Variants in MTOR observed in about 807,000 individuals in gnomAD.
The protein encoded by MTOR is serine/threonine-protein kinase mTOR.
Under a neutral mutation model 319.8 loss-of-function variants are expected in MTOR, and 70 were observed. The ratio of observed to expected loss-of-function variants is 0.22; its 90% CI spans 0.18 to 0.27. The LOEUF is 0.27. MTOR is among the 10% of genes least tolerant of loss of function. MTOR has a pLI of 1.00. For synonymous variants in MTOR, 1,183 were observed against 1,211.4 expected (o/e 0.98, Z 0.49); for missense variants, 1,890 against 3,274.4 (o/e 0.58, Z 10.32).
chr1:11,249,161 T>C (rs755494115), intron 6 of MTOR, among the ~76,000 whole-genome samples: 1 of 151,208 alleles, frequency 6.6e-6, no homozygotes, highest in Non-Finnish European at 1.5e-5. Context: ...GAGGCGGAGG[T>C]TGCAGTGAGC....
At position 11,173,314 on chromosome 1, in the gene MTOR, A is replaced by C. The variant is rs1185939213; in HGVS notation, c.4254-5797T>G. On this transcript the variant is annotated intron_variant, in intron 28 of 57. Transcript: ENST00000361445. ...TAGCCCACTCTCTTTTTTTCACAAC[A>C]AGGTCTGGTTCTGTTATCCAAGGTG... Among the ~76,000 whole-genome samples, 5 of 151,462 alleles carry C rather than the reference A, an allele frequency of 3.3e-5. No individual in the cohort carries two copies. The South Asian group carries it at 6.3e-4, about 19-fold the overall frequency.
intron 19 of MTOR, 138 bp downstream of exon 19, chr1:11,228,530 T>G: frequency 8.6e-7 from 1 of 1,162,496 alleles, no homozygotes; most frequent in Non-Finnish European, 1.2e-6. Context: ...GTACACTTTA[T>G]ATGTTGGGAG....
intron 36 of MTOR, among the ~76,000 whole-genome samples, chr1:11,138,633 G>T (rs1384558022): frequency 1.3e-5 from 2 of 152,176 alleles, no homozygotes; most frequent in Non-Finnish European, 2.9e-5. Context: ...AATGGGGAGA[G>T]AAGGCTAGTG....
intron 36 of MTOR, among the ~76,000 whole-genome samples, chr1:11,137,394 G>A (rs931685139): frequency 4.9e-4 from 74 of 152,052 alleles, no homozygotes; most frequent in African/African-American, 1.7e-3. Context: ...GCCAAAGCTG[G>A]GGAGGCTGGG....
At chr1:11,126,577 T>C (rs760088903) in intron 46 of MTOR, 45 bp downstream of exon 46, 16 of 1,595,140 alleles carry the variant, frequency 1.0e-5, no homozygotes, top group East Asian at 6.7e-5. Flanking sequence ...TCTCAGCCAG[T>C]GTAGGAGGGA....
intron 28 of MTOR, among the ~76,000 whole-genome samples, chr1:11,182,529 A>G (rs1234330116): frequency 6.6e-6 from 1 of 152,202 alleles, no homozygotes; most frequent in African/African-American, 2.4e-5. Context: ...GGAGAATATA[A>G]CACCTAAGTG....
intron 1 of MTOR, among the ~76,000 whole-genome samples, chr1:11,260,576 T>G (rs1569860913): frequency 1.3e-5 from 2 of 151,058 alleles, no homozygotes; most frequent in Non-Finnish European, 2.9e-5. Flanking sequence ...AATACAATGA[T>G]CCACAAATGT....
At chr1:11,146,580 C>T (rs540224126) in intron 32 of MTOR, 96 bp downstream of exon 32, 1 of 892,308 alleles carries the variant, frequency 1.1e-6, no homozygotes, top group Non-Finnish European at 1.9e-6. Flanking sequence ...AAACATCAGA[C>T]CTGAAGTACA....
intron 34 of MTOR, among the ~76,000 whole-genome samples, chr1:11,142,612 T>C (rs1643767975): frequency 6.6e-6 from 1 of 152,146 alleles, no homozygotes; most frequent in Admixed American, 6.5e-5. Context: ...AACTCCTTTT[T>C]CATCCTTGTT....
chr1:11,145,171 G>T, intron 32 of MTOR, 126 bp from the exon 33 acceptor site: 1 of 795,562 alleles, frequency 1.3e-6, no homozygotes, highest in Non-Finnish European at 2.1e-6. Flanking sequence ...AGAGAAATTC[G>T]CTGAAGAAGG....
intron 36 of MTOR, among the ~76,000 whole-genome samples, chr1:11,136,284 G>A (rs1184006622): frequency 2.6e-5 from 4 of 152,184 alleles, no homozygotes. Flanking sequence ...CCCAGAGCCA[G>A]AATGACATGA....
rs148644182 is a variant in MTOR, at chr1:11,247,866, C to G, written c.1069G>C (p.Val357Leu). The G allele has an allele frequency of 1.2e-6, 2 of 1,614,132 alleles. No homozygotes were observed. Among genetic ancestry groups the G allele is most frequent in the Non-Finnish European group, 1.7e-6 (2 of 1,180,012 alleles). Residue 357 changes from valine (V) to leucine (L), a missense_variant, in exon 7 of 58, where the codon GTG (valine) becomes CTG (leucine). Val to Leu is a conservative substitution (Grantham distance 32). Transcript: ENST00000361445. ...AAGTCTCTGCAACACCGGCTCTCCA[C>G]CAGGGTGGACTTAGCTGGACTGGGG... ...TSPSPAKSTL[V>L]ESRCCRDLME...
At chr1:11,117,260 A>C (rs1445026669) in intron 49 of MTOR, among the ~76,000 whole-genome samples, 174 bp from the exon 50 acceptor site, 1 of 152,210 alleles carries the variant, frequency 6.6e-6, no homozygotes, top group Non-Finnish European at 1.5e-5. Context: ...TCCCGGGTTC[A>C]AGCGGTTCTC....
In MTOR at chr1:11,118,228, A is replaced by ATTTTT. The variant is rs771785403; in HGVS notation, c.6934-1147_6934-1143dup. Among the ~76,000 whole-genome samples, 89 of 120,744 alleles carry ATTTTT rather than the reference A, an allele frequency of 7.4e-4. 8 individuals are homozygous for ATTTTT. The highest frequency in any genetic ancestry group is 3.3e-3 in the African/African-American group (82 of 25,166). The allele number at this position is 120,744 out of a possible 152,430, so 79.2% of individuals were successfully genotyped here. On this transcript the variant is annotated intron_variant, in intron 49 of 57. Transcript: ENST00000361445. ...ACGCCTTAAATTCCAAACTTAGTTA[A>ATTTTT]TTTTTTTTTTTTTTTTTTTTTTTTT...
At chr1:11,197,354 C>T (rs1047685877) in intron 28 of MTOR, among the ~76,000 whole-genome samples, 1 of 152,060 alleles carries the variant, frequency 6.6e-6, no homozygotes, top group African/African-American at 2.4e-5. Flanking sequence ...CACAACCGGG[C>T]TTAGGAAAAG....
At chr1:11,228,548 G>T in intron 19 of MTOR, 120 bp downstream of exon 19, 1 of 1,338,252 alleles carries the variant, frequency 7.5e-7, no homozygotes, top group Non-Finnish European at 1.0e-6. Context: ...GAGTTAAGGG[G>T]GAGGAAGGCA....
chr1:11,129,782 A>C lies in MTOR; in HGVS notation c.5670T>G (p.Arg1890=). 6.2e-7 allele frequency: 1 copy of C among 1,614,208 alleles called. No homozygotes were observed. Among genetic ancestry groups the C allele is most frequent in the East Asian group, 2.2e-5 (1 of 44,878 alleles). Residue 1890 remains arginine (R), a synonymous_variant, in exon 40 of 58, where the codon CGT becomes CGG. Coordinates refer to ENST00000361445, the MANE Select transcript of MTOR (RefSeq NM_004958.4). The surrounding 1 kb of genome is among the most constrained non-coding windows in gnomAD (Gnocchi z 4.7). ...TGTTGCCTCGTGACAAGGAGATGGA[A>C]CGGAAGAAGCCCTGGACGGCAGGCA... ...YTVPAVQGFF[R]SISLSRGNNL...
chr1:11,238,766 C>CT lies in MTOR; in HGVS notation c.1787-150dup, dbSNP rs35144517. 220,435 of 474,934 alleles carry CT rather than the reference C, an allele frequency of 0.46. 27,149 individuals carry two copies. Among genetic ancestry groups the CT allele is most frequent in the Admixed American group, 0.54 (14,707 of 27,304 alleles). The allele number at this position is 474,934 out of a possible 1,614,324, so 29.4% of individuals were successfully genotyped here. A position where few individuals can be genotyped will look rare whatever the true frequency, so the allele number is the denominator to read the frequency against. On this transcript the variant is annotated intron_variant, in intron 11 of 57. Transcript: ENST00000361445. ...AATACGATACTGACCCGGAACTCTT[C>CT]TTTTTTTTTTTTTTGAGACGGAGTC...
At chr1:11,126,851 G>C in intron 45 of MTOR, 55 bp from the exon 46 acceptor site, 1 of 1,590,008 alleles carries the variant, frequency 6.3e-7, no homozygotes, top group South Asian at 1.1e-5. Context: ...GAATTTAAAC[G>C]CAATTTAAGT....
Sources: gnomAD v4.1 joint callset for allele counts (sites outside exome capture counted in the v4.1 genomes callset) on GRCh38, gnomAD v4.1.1 for gene constraint, Gnocchi (gnomAD v3.1) non-coding constraint, MANE v1.5 for transcripts, NCBI Gene and HGNC (gene_info 2026-07-23, HGNC 2026-07-21) for gene names.